The following ZNF385B variants were observed in gnomAD, a reference collection of about 807,000 sequenced individuals.
ZNF385B encodes zinc finger protein 385B.
A neutral mutation model predicts 39.2 loss-of-function variants in ZNF385B; 23 were observed. The observed-to-expected ratio is 0.59, with a 90% CI of 0.42 to 0.83. The LOEUF (loss-of-function observed/expected upper bound fraction) is 0.83, where lower values mean the gene tolerates loss of function less well. ZNF385B is among the 40% of genes least tolerant of loss of function. The pLI, the probability that ZNF385B is intolerant of heterozygous loss-of-function variation, is 0.00. For synonymous variants in ZNF385B, 205 were observed against 222.6 expected, an observed-to-expected ratio of 0.92 and a Z score of 0.70; for missense variants, 552 against 598.9, an observed-to-expected ratio of 0.92 and a Z score of 0.82.
At chr2:179,462,378 G>C (rs1218748125) in intron 6 of ZNF385B, among the ~76,000 whole-genome samples, 1 of 152,102 alleles carries the variant, frequency 6.6e-6, no homozygotes, top group Non-Finnish European at 1.5e-5. Context: ...AAAGCTCAGG[G>C]GGCTCTACAG....
intron 3 of ZNF385B, among the ~76,000 whole-genome samples, chr2:179,613,187 C>T (rs1293500655): frequency 6.6e-6 from 1 of 152,158 alleles, no homozygotes; most frequent in Non-Finnish European, 1.5e-5. Context: ...AGAGCCAAAC[C>T]CTGGAACTGA....
At chr2:179,523,487 C>T (rs2058655568) in intron 4 of ZNF385B, among the ~76,000 whole-genome samples, 1 of 151,740 alleles carries the variant, frequency 6.6e-6, no homozygotes, top group Admixed American at 6.6e-5. Flanking sequence ...AAACACACTG[C>T]AGCACTTCAC....
chr2:179,467,182 T>C lies in ZNF385B; in HGVS notation c.715+16090A>G, dbSNP rs532419905. Among the ~76,000 whole-genome samples, 16 of 152,228 alleles carry C rather than the reference T, an allele frequency of 1.1e-4. No homozygotes were observed. The South Asian group carries it at 2.9e-3, about 28-fold the overall frequency. On this transcript the variant is annotated intron_variant, in intron 6 of 9. Coordinates refer to ENST00000410066, the MANE Select transcript of ZNF385B (RefSeq NM_152520.6). ...GGCCCAAGAGTGATTCTGAAGTACA[T>C]TGGGAATCCTTCAGTCTATCCATTT...
chr2:179,850,841 A>G (rs770320999), intron 1 of ZNF385B, among the ~76,000 whole-genome samples: 7 of 152,160 alleles, frequency 4.6e-5, no homozygotes, highest in African/African-American at 7.2e-5. Context: ...GACCTTTCCA[A>G]TTAAACACAG....
intron 3 of ZNF385B, among the ~76,000 whole-genome samples, chr2:179,763,920 T>C (rs1321927702): frequency 6.6e-6 from 1 of 152,174 alleles, no homozygotes; most frequent in Non-Finnish European, 1.5e-5. Flanking sequence ...TATAGGCACT[T>C]GGAAAAAATA....
intron 1 of ZNF385B, among the ~76,000 whole-genome samples, chr2:179,849,222 A>G (rs1708954086): frequency 6.6e-6 from 1 of 152,360 alleles, no homozygotes; most frequent in South Asian, 2.1e-4. Flanking sequence ...ATTCAGGAGA[A>G]TACCATGCAA....
intron 1 of ZNF385B, among the ~76,000 whole-genome samples, chr2:179,835,551 C>T (rs957012708): frequency 7.2e-5 from 11 of 152,272 alleles, no homozygotes; most frequent in Admixed American, 2.0e-4. Flanking sequence ...AGGAATACGA[C>T]GCTTGCTAAC....
chr2:179,821,373 C>T (rs1707386234), intron 1 of ZNF385B, among the ~76,000 whole-genome samples: 1 of 152,154 alleles, frequency 6.6e-6, no homozygotes, highest in Non-Finnish European at 1.5e-5. Flanking sequence ...TGGATTCCCT[C>T]CAACAAAGGA....
At chr2:179,488,827 G>A (rs1482086807) in intron 5 of ZNF385B, among the ~76,000 whole-genome samples, 3 of 152,038 alleles carry the variant, frequency 2.0e-5, no homozygotes, top group Admixed American at 6.5e-5. Context: ...TCAAATGAGC[G>A]ACCATAAAAC....
intron 3 of ZNF385B, among the ~76,000 whole-genome samples, chr2:179,756,651 C>T (rs184233502): frequency 1.7e-4 from 26 of 151,834 alleles, no homozygotes; most frequent in Non-Finnish European, 3.7e-4. Context: ...CACCTAGTCC[C>T]ATATACCTTC....
At chr2:179,617,985 C>CT in intron 3 of ZNF385B, among the ~76,000 whole-genome samples, 1 of 152,194 alleles carries the variant, frequency 6.6e-6, no homozygotes, top group East Asian at 1.9e-4. Context: ...CTCACTCTCT[C>CT]TTCTTCTTCC....
intron 6 of ZNF385B, among the ~76,000 whole-genome samples, chr2:179,467,585 C>T (rs533661453): frequency 6.6e-6 from 1 of 152,144 alleles, no homozygotes; most frequent in Non-Finnish European, 1.5e-5. Flanking sequence ...CAATCTAAGG[C>T]AGTCAGGCCC....
Position 179,524,118 on chromosome 2 carries a change from G to A in ZNF385B, c.442-5480C>T, listed in dbSNP as rs751808645. ...CAGCCCATACTATTTGTAAAGATGG[G>A]GAAATCTTACCTTAAACTTAACGAA... On this transcript the variant is annotated intron_variant, in intron 4 of 9. Transcript: ENST00000410066. Among the ~76,000 whole-genome samples the A allele has an allele frequency of 3.6e-4, 54 of 152,060 alleles. 1 individual carries two copies. The highest frequency in any genetic ancestry group is 1.3e-4 in the Non-Finnish European group (9 of 67,990).
chr2:179,812,169 G>A (rs1358201068), intron 1 of ZNF385B, among the ~76,000 whole-genome samples: 1 of 151,456 alleles, frequency 6.6e-6, no homozygotes, highest in Non-Finnish European at 1.5e-5. Flanking sequence ...CAGAGAAAGG[G>A]GAATGCTTAT....
chr2:179,810,621 T>C (rs1310197359), intron 1 of ZNF385B, among the ~76,000 whole-genome samples: 1 of 151,958 alleles, frequency 6.6e-6, no homozygotes, highest in African/African-American at 2.4e-5. Context: ...TTCCAATCAC[T>C]ACAAAATATC....
chr2:179,480,587 T>C (rs1036317596), intron 6 of ZNF385B, among the ~76,000 whole-genome samples: 4 of 152,228 alleles, frequency 2.6e-5, no homozygotes, highest in African/African-American at 9.6e-5. Flanking sequence ...GCAAAGCTTT[T>C]AATTTTCCAA....
At chr2:179,643,198 C>T (rs1390137802) in intron 3 of ZNF385B, among the ~76,000 whole-genome samples, 1 of 150,750 alleles carries the variant, frequency 6.6e-6, no homozygotes, top group African/African-American at 2.4e-5. Flanking sequence ...TAGTATTCAC[C>T]ACAGTGAGCC....
intron 3 of ZNF385B, among the ~76,000 whole-genome samples, chr2:179,653,302 CAGA>C (rs1234038926): frequency 6.6e-6 from 1 of 152,270 alleles, no homozygotes; most frequent in East Asian, 1.9e-4. Flanking sequence ...TACTGCTGCA[CAGA>C]AGAAGAGAGA....
rs116155824 is a variant in ZNF385B at position 179,788,398 on chromosome 2, A to G, written c.-154-17726T>C. Among the ~76,000 whole-genome samples, 988 of 152,272 alleles carry G rather than the reference A, an allele frequency of 6.5e-3. 12 individuals carry two copies. Among genetic ancestry groups the G allele is most frequent in the African/African-American group, 0.023 (943 of 41,560 alleles). On this transcript the variant is annotated intron_variant, in intron 1 of 9. Coordinates refer to ENST00000410066, the MANE Select transcript of ZNF385B (RefSeq NM_152520.6). ...AGATTTAGACCAGAGACTTTGTTCT[A>G]TTGGGTCAAAGCATGCAGCAAATGT...
Sources: allele counts gnomAD v4.1 joint callset (sites outside exome capture counted in the v4.1 genomes callset), GRCh38; gene constraint gnomAD v4.1.1; transcripts MANE v1.5; gene names NCBI Gene and HGNC (gene_info 2026-07-23, HGNC 2026-07-21).